SS18: variants seen among roughly 807,000 people sequenced by gnomAD.
The protein encoded by SS18 is SS18 subunit of BAF chromatin remodeling complex, also known as protein SSXT.
In SS18, 28 loss-of-function variants were observed where a neutral mutation model predicts 72.5. The observed-to-expected ratio is 0.39, with a 90% CI of 0.29 to 0.53. The LOEUF is 0.53. SS18 is among the 20% of genes least tolerant of loss of function. The pLI is 0.76. For missense variants in SS18, 518 were observed against 535.3 expected (o/e 0.97, Z 0.32); for synonymous variants, 172 against 164.2 (o/e 1.05, Z -0.37).
intron 7 of SS18, among the ~76,000 whole-genome samples, chr18:26,037,919 A>T (rs1001737419): frequency 6.6e-6 from 1 of 151,998 alleles, no homozygotes; most frequent in Non-Finnish European, 1.5e-5. Flanking sequence ...TTACTAACCA[A>T]TTTTTCACAA....
At chr18:26,042,704 G>A (rs1190092948) in intron 5 of SS18, among the ~76,000 whole-genome samples, 1 of 151,360 alleles carries the variant, frequency 6.6e-6, no homozygotes, top group Admixed American at 6.6e-5. Context: ...GTACTTATTA[G>A]GTACAACACC....
rs60999827 is a variant in SS18, at chr18:26,060,771, CAAAAAAA to C, written c.232-3036_232-3030del. On this transcript the variant is annotated intron_variant, in intron 3 of 10. Transcript: ENST00000415083. ...GAAACTCTGTCTCTACTAAAAATAC[CAAAAAAA>C]AAAAAAAAAAAAAAAAAAAAAAAAA... 1.8e-4 allele frequency among the ~76,000 whole-genome samples: 7 copies of C among 39,604 alleles called. No individual in the cohort carries two copies. The East Asian group carries it at 4.1e-3, about 23-fold the overall frequency. 26.0% of individuals were successfully genotyped at this position (39,604 alleles called of 152,430 possible).
chr18:26,090,125 G>A (rs2054693401), intron 1 of SS18: 1 of 215,212 alleles, frequency 4.6e-6, no homozygotes, highest in South Asian at 1.1e-4. Flanking sequence ...GGGGCGGGGC[G>A]ACGCCAAAGT....
At position 26,017,715 on chromosome 18, in the gene SS18, C is replaced by T. The variant is rs1441987990; in HGVS notation, c.*639G>A. ...ACTGTATCACAGTGCCCTTGATTATCTAATAGATAAAAGGGATTTGAATTT... is the reference window on the plus strand; with the variant it reads ...ACTGTATCACAGTGCCCTTGATTATTTAATAGATAAAAGGGATTTGAATTT... On this transcript the variant is annotated 3_prime_UTR_variant, in exon 11 of 11. Transcript: ENST00000415083. The T allele has an allele frequency of 4.6e-6, 1 of 215,952 alleles. No individual in the cohort carries two copies. The highest frequency in any genetic ancestry group is 2.2e-5 in the African/African-American group (1 of 44,452). The allele number at this position is 215,952 out of a possible 1,614,324, so 13.4% of individuals were successfully genotyped here.
intron 5 of SS18, among the ~76,000 whole-genome samples, chr18:26,046,563 T>A (rs2053827788): frequency 6.6e-6 from 1 of 152,256 alleles, no homozygotes; most frequent in South Asian, 2.1e-4. Flanking sequence ...TTTAAGCACC[T>A]GCAGTGCATA....
At chr18:26,083,182 A>G (rs2054558428) in intron 2 of SS18, among the ~76,000 whole-genome samples, 1 of 152,148 alleles carries the variant, frequency 6.6e-6, no homozygotes. Flanking sequence ...TTTAAGCCCT[A>G]TTTGCTTAAA....
In SS18 at chr18:26,060,460, TTAGA is replaced by T. The variant is rs373965056; in HGVS notation, c.232-2722_232-2719del. Among the ~76,000 whole-genome samples the T allele has an allele frequency of 1.2e-3, 180 of 152,144 alleles. 1 individual carries two copies. Among genetic ancestry groups the T allele is most frequent in the African/African-American group, 4.3e-3 (177 of 41,502 alleles). On this transcript the variant is annotated intron_variant, in intron 3 of 10. Transcript: ENST00000415083. ...TTAGGGTAGTGAAAACATTCTGAAA[TTAGA>T]TAGTTATGATGCTTACATAATTGTG...
intron 10 of SS18, among the ~76,000 whole-genome samples, chr18:26,028,374 T>C (rs1177021624): frequency 3.3e-5 from 5 of 152,338 alleles, no homozygotes; most frequent in South Asian, 2.1e-4. Context: ...GATAGGAATA[T>C]ACAATGGTAC....
chr18:26,028,982 G>A (rs1158088480), intron 10 of SS18, among the ~76,000 whole-genome samples: 1 of 152,094 alleles, frequency 6.6e-6, no homozygotes, highest in Non-Finnish European at 1.5e-5. Context: ...TGCAATGGAG[G>A]GTGTTATGTC....
chr18:26,090,388 A>T, intron 1 of SS18, 113 bp downstream of exon 1: 1 of 1,068,424 alleles, frequency 9.4e-7, no homozygotes, highest in Non-Finnish European at 1.4e-6. Context: ...GCTGATTCCC[A>T]GCAGGCCCGC....
At chr18:26,071,897 T>C (rs2054316279) in intron 3 of SS18, among the ~76,000 whole-genome samples, 1 of 150,636 alleles carries the variant, frequency 6.6e-6, no homozygotes, top group South Asian at 2.1e-4. Context: ...AAAACAAAAA[T>C]ACTGAAGGTA....
intron 4 of SS18, among the ~76,000 whole-genome samples, chr18:26,056,841 GCTA>G (rs996178070): frequency 3.9e-5 from 6 of 152,148 alleles, no homozygotes; most frequent in African/African-American, 1.4e-4. Flanking sequence ...ATGGGTTGAT[GCTA>G]CTGTTACAAA....
chr18:26,027,601 G>A (rs1363417054), intron 10 of SS18, among the ~76,000 whole-genome samples: 1 of 143,262 alleles, frequency 7.0e-6, no homozygotes, highest in African/African-American at 2.5e-5. Flanking sequence ...GAACCCGGAA[G>A]GCGGTGGTTG....
At chr18:26,034,173 C>T (rs1048127458) in intron 9 of SS18, among the ~76,000 whole-genome samples, 2 of 152,090 alleles carry the variant, frequency 1.3e-5, no homozygotes, top group African/African-American at 4.8e-5. Context: ...CTAAGATTTG[C>T]TATCACAGGT....
intron 7 of SS18, among the ~76,000 whole-genome samples, chr18:26,036,504 C>T (rs1418390780): frequency 1.3e-5 from 2 of 152,084 alleles, no homozygotes; most frequent in African/African-American, 2.4e-5. Context: ...GAAAATATTT[C>T]AAGTATCATA....
chr18:26,063,641 A>T lies in SS18; in HGVS notation c.232-5899T>A, dbSNP rs188264083. ...AAAATGTAATATCAAAATTTGTGAG[A>T]TGCAGTTTAAGCTATGCTTACAGGA... is the stretch of plus-strand genomic sequence containing the variant. On this transcript the variant is annotated intron_variant, in intron 3 of 10. Transcript: ENST00000415083. 4.5e-4 allele frequency among the ~76,000 whole-genome samples: 69 copies of T among 152,360 alleles called. 1 individual carries two copies. In the East Asian group the frequency reaches 0.011, roughly 25 times the overall value.
intron 3 of SS18, among the ~76,000 whole-genome samples, chr18:26,076,075 T>C (rs1480276279): frequency 6.6e-6 from 1 of 151,792 alleles, no homozygotes; most frequent in Non-Finnish European, 1.5e-5. Context: ...AAGAACTAAA[T>C]AAATGAAAAT....
chr18:26,084,272 G>C (rs1204352834), intron 2 of SS18: 1 of 152,120 alleles, frequency 6.6e-6, no homozygotes, highest in African/African-American at 2.4e-5. Flanking sequence ...AATAAGTGAA[G>C]AATGAAGGAA....
chr18:26,035,036 C>A lies in SS18; in HGVS notation c.1065G>T (p.Gln355His). Residue 355 changes from glutamine (Q) to histidine (H), a missense_variant, in exon 9 of 11, where the codon CAG (glutamine) becomes CAT (histidine). Transcript: ENST00000415083. This position sits in a 1 kb window ranked among gnomAD's most constrained non-coding sequence, Gnocchi z 4.4. ...YPPQQQQYPG[Q>H]QGYPGQQQGY... ...CCTGCTGCTGTCCTGGGTAACCTTG[C>A]TGCCCTGGGTACTGCTGCTGCTGGG... 6.2e-7 allele frequency: 1 copy of A among 1,613,480 alleles called. No individual in the cohort carries two copies. Among genetic ancestry groups the A allele is most frequent in the Non-Finnish European group, 8.5e-7 (1 of 1,179,604 alleles).
Sources: allele counts gnomAD v4.1 joint callset (sites outside exome capture counted in the v4.1 genomes callset), GRCh38; gene constraint gnomAD v4.1.1; non-coding constraint Gnocchi (gnomAD v3.1); transcripts MANE v1.5; gene names NCBI Gene and HGNC (gene_info 2026-07-23, HGNC 2026-07-21).